Variants in BNC2 observed in about 807,000 individuals in gnomAD.
BNC2 encodes zinc finger protein basonuclin-2.
BNC2 carries 20 observed loss-of-function variants against 76.3 expected under a neutral mutation model. The observed-to-expected ratio is 0.26, with a 90% CI of 0.18 to 0.38. The LOEUF is 0.38. Among genes scored for constraint, BNC2 ranks in the 10% least tolerant of loss-of-function variants. The probability of loss-of-function intolerance (pLI) is 1.00; values close to 1 mark genes in which losing one functional copy is unlikely to be tolerated. For synonymous variants in BNC2, 582 were observed against 514.8 expected, an observed-to-expected ratio of 1.13 and a Z score of -1.77; for missense variants, 1,382 against 1,399.8, an observed-to-expected ratio of 0.99 and a Z score of 0.20.
chr9:16,591,511 T>C (rs1217236367), intron 3 of BNC2, among the ~76,000 whole-genome samples: 1 of 152,112 alleles, frequency 6.6e-6, no homozygotes, highest in African/African-American at 2.4e-5. Flanking sequence ...AAATCTATAG[T>C]TTTAGTAAGG....
chr9:16,412,433 A>G lies in BNC2; in HGVS notation c.*6556T>C, dbSNP rs1169458676. ...TCCCTACAGATTAGGGGGCAATATA[A>G]TCTTACTTATGCCACTGACTTGCAG... On this transcript the variant is annotated 3_prime_UTR_variant, in exon 7 of 7. Coordinates refer to ENST00000380672, the MANE Select transcript of BNC2 (RefSeq NM_017637.6). The G allele has an allele frequency of 6.6e-6, 1 of 152,458 alleles. No individual in the cohort carries two copies. The highest frequency in any genetic ancestry group is 1.5e-5 in the Non-Finnish European group (1 of 68,018). The allele number at this position is 152,458 out of a possible 1,614,324, so 9.4% of individuals were successfully genotyped here. A position where few individuals can be genotyped will look rare whatever the true frequency, so the allele number is the denominator to read the frequency against.
intron 2 of BNC2, among the ~76,000 whole-genome samples, chr9:16,729,636 T>C (rs1824449620): frequency 1.3e-5 from 2 of 152,198 alleles, no homozygotes; most frequent in Admixed American, 6.5e-5. Context: ...ACCCAAAGAA[T>C]TGTTGCCTTA....
chr9:16,677,362 C>T (rs1420774909), intron 3 of BNC2, among the ~76,000 whole-genome samples: 4 of 152,126 alleles, frequency 2.6e-5, no homozygotes. Flanking sequence ...TACTTGAGAT[C>T]AAGAGTTCGA....
chr9:16,570,761 T>A (rs116149358), intron 4 of BNC2, among the ~76,000 whole-genome samples: 1 of 152,190 alleles, frequency 6.6e-6, no homozygotes, highest in Non-Finnish European at 1.5e-5. Flanking sequence ...CTGTTTGACA[T>A]GTATGAGTTA....
intron 1 of BNC2, among the ~76,000 whole-genome samples, chr9:16,751,975 G>A (rs1825228958): frequency 6.6e-6 from 1 of 152,046 alleles, no homozygotes; most frequent in Non-Finnish European, 1.5e-5. Context: ...GTTGCAGTGA[G>A]CCCAGATCAC....
chr9:16,603,445 C>G (rs192779780), intron 3 of BNC2, among the ~76,000 whole-genome samples: 19 of 152,280 alleles, frequency 1.2e-4, no homozygotes, highest in African/African-American at 3.8e-4. Flanking sequence ...AAACTTTTAA[C>G]AATCAGGTTC....
At chr9:16,598,495 A>G (rs933469790) in intron 3 of BNC2, among the ~76,000 whole-genome samples, 3 of 152,200 alleles carry the variant, frequency 2.0e-5, no homozygotes, top group Non-Finnish European at 4.4e-5. Context: ...CCAACTTCAC[A>G]TAAGAGAGAC....
intron 5 of BNC2, among the ~76,000 whole-genome samples, chr9:16,498,734 C>T: frequency 6.6e-6 from 1 of 151,808 alleles, no homozygotes; most frequent in East Asian, 1.9e-4. Flanking sequence ...TTTCTTCTGT[C>T]TCCTACCTTA....
intron 3 of BNC2, among the ~76,000 whole-genome samples, chr9:16,705,655 G>T (rs1823647079): frequency 9.1e-6 from 1 of 110,078 alleles, no homozygotes; most frequent in African/African-American, 2.7e-5. Flanking sequence ...GTGTGGCTTG[G>T]GTTTTTTTTT....
At chr9:16,531,639 G>A (rs577630995) in intron 5 of BNC2, among the ~76,000 whole-genome samples, 2 of 151,996 alleles carry the variant, frequency 1.3e-5, no homozygotes, top group African/African-American at 2.4e-5. Context: ...TGCAAACTCC[G>A]GCTGTGTTTA....
At chr9:16,593,392 TACTATC>T (rs554924842) in intron 3 of BNC2, among the ~76,000 whole-genome samples, 3 of 152,098 alleles carry the variant, frequency 2.0e-5, no homozygotes, top group Non-Finnish European at 4.4e-5. Context: ...TATCACAACC[TACTATC>T]AATCGATATA....
chr9:16,804,923 G>A (rs1178015338), intron 1 of BNC2, among the ~76,000 whole-genome samples: 2 of 152,076 alleles, frequency 1.3e-5, no homozygotes, highest in Non-Finnish European at 2.9e-5. Flanking sequence ...TTAGCCGGGT[G>A]TGGTGGCATG....
rs1313223359 is a variant in BNC2 at position 16,410,424 on chromosome 9, T to G, written c.*8565A>C. 1 of 152,670 alleles carries G rather than the reference T, an allele frequency of 6.6e-6. No homozygotes were observed. The highest frequency in any genetic ancestry group is 1.5e-5 in the Non-Finnish European group (1 of 68,072). The allele number at this position is 152,670 out of a possible 1,614,324, so 9.5% of individuals were successfully genotyped here. A position where few individuals can be genotyped will look rare whatever the true frequency, so the allele number is the denominator to read the frequency against. ...CATTTCTCGACCGTCCTCACCCCTCTGACCTTCATGTACCCAGGTTTAGCT... is the reference window on the plus strand; with the variant it reads ...CATTTCTCGACCGTCCTCACCCCTCGGACCTTCATGTACCCAGGTTTAGCT... On this transcript the variant is annotated 3_prime_UTR_variant, in exon 7 of 7. Transcript: ENST00000380672.
intron 3 of BNC2, among the ~76,000 whole-genome samples, chr9:16,646,888 T>C (rs1219211512): frequency 6.6e-6 from 1 of 152,144 alleles, no homozygotes; most frequent in Non-Finnish European, 1.5e-5. Flanking sequence ...ATGTCATCCA[T>C]AGCTGAGTCC....
intron 1 of BNC2, among the ~76,000 whole-genome samples, chr9:16,782,054 A>AG (rs1297873384): frequency 1.3e-5 from 2 of 151,988 alleles, no homozygotes; most frequent in Non-Finnish European, 2.9e-5. Flanking sequence ...TGGGAGGCCG[A>AG]GGGGGGCGGA....
chr9:16,434,780 C>T (rs1820970521), intron 6 of BNC2: 1 of 454,388 alleles, frequency 2.2e-6, no homozygotes, highest in Non-Finnish European at 4.4e-6. Flanking sequence ...GAAGGCTGGA[C>T]ATAATATATT....
chr9:16,682,946 T>C (rs1822868258), intron 3 of BNC2, among the ~76,000 whole-genome samples: 1 of 152,246 alleles, frequency 6.6e-6, no homozygotes, highest in African/African-American at 2.4e-5. Context: ...AGAAGATGAT[T>C]GCATAAGAGT....
At chr9:16,683,842 T>C (rs1211141275) in intron 3 of BNC2, among the ~76,000 whole-genome samples, 1 of 152,204 alleles carries the variant, frequency 6.6e-6, no homozygotes, top group African/African-American at 2.4e-5. Context: ...TAACTCTCCA[T>C]AGCTGATCAT....
At chr9:16,430,243 C>T (rs1233790306) in intron 6 of BNC2, among the ~76,000 whole-genome samples, 1 of 151,620 alleles carries the variant, frequency 6.6e-6, no homozygotes, top group Non-Finnish European at 1.5e-5. Context: ...AGGACCTGCA[C>T]AACTTCATGT....
Sources: allele counts gnomAD v4.1 joint callset (sites outside exome capture counted in the v4.1 genomes callset), GRCh38; gene constraint gnomAD v4.1.1; transcripts MANE v1.5; gene names NCBI Gene and HGNC (gene_info 2026-07-23, HGNC 2026-07-21).